The following PRDM2 variants were observed in gnomAD, a reference collection of about 807,000 sequenced individuals.
PRDM2 encodes PR/SET domain 2, also known as PR domain zinc finger protein 2.
Under a neutral mutation model 130.0 loss-of-function variants are expected in PRDM2, and 30 were observed. The observed-to-expected ratio is 0.23, with a 90% confidence interval of 0.17 to 0.31. The LOEUF is 0.31. Ranked by LOEUF, PRDM2 falls within the 10% of genes least tolerant of loss-of-function variation. The pLI is 1.00. For synonymous variants in PRDM2, 871 were observed against 782.4 expected (o/e 1.11, Z -1.89); for missense variants, 2,011 against 2,108.4 (o/e 0.95, Z 0.90).
rs559952401 is a variant in PRDM2 at position 13,810,684 on chromosome 1, C to T, written c.5037-5743C>T. On this transcript the variant is annotated intron_variant, in intron 8 of 9. Transcript: ENST00000311066. ...TAATTTTTTGTATTTTTAGTAGAGA[C>T]GGGGTTTCACTGTGTTAGCAAGGAT... Among the ~76,000 whole-genome samples the T allele has an allele frequency of 5.9e-5, 9 of 151,746 alleles. No homozygotes were observed. The East Asian group carries it at 1.4e-3, about 23-fold the overall frequency.
In PRDM2 at chr1:13,821,441, T is replaced by TTTATTTATTTATTTATTTATTTATTTA. The variant is rs1477837471; in HGVS notation, c.*24-1715_*24-1689dup. On this transcript the variant is annotated intron_variant, in intron 9 of 9. Transcript: ENST00000311066. ...ACCCAATGCAGTGAACATTTATTTA[T>TTTATTTATTTATTTATTTATTTATTTA]TTATTTATTTATTTATTTATTTATT... Among the ~76,000 whole-genome samples the TTTATTTATTTATTTATTTATTTATTTA allele has an allele frequency of 3.6e-5, 5 of 139,570 alleles. No homozygotes were observed. In the East Asian group the frequency reaches 9.9e-4, roughly 28 times the overall value. 91.6% of individuals were successfully genotyped at this position (139,570 alleles called of 152,430 possible).
At chr1:13,787,288 T>C in intron 8 of PRDM2, 1 of 983,680 alleles carries the variant, frequency 1.0e-6, no homozygotes, top group East Asian at 1.1e-4. Context: ...CAGATGTATG[T>C]CTACACGTAA....
chr1:13,733,396 A>G (rs1643169150), intron 4 of PRDM2, among the ~76,000 whole-genome samples: 1 of 152,250 alleles, frequency 6.6e-6, no homozygotes, highest in Non-Finnish European at 1.5e-5. Context: ...ATTCTGGAAG[A>G]CAGCAGGGCA....
chr1:13,780,238 T>G lies in PRDM2; in HGVS notation c.2443T>G (p.Phe815Val), dbSNP rs1273656760. Residue 815 changes from phenylalanine (F) to valine (V), a missense_variant, in exon 8 of 10, where the codon TTT becomes GTT. Coordinates refer to ENST00000311066, the MANE Select transcript of PRDM2 (RefSeq NM_001393986.1). ...TAAAGAGTGGACAGCTAGTTCTGCTTTTAGCAGTGTGTGCAACCAGCAGCC... is the reference window on the plus strand; with the variant it reads ...TAAAGAGTGGACAGCTAGTTCTGCTGTTAGCAGTGTGTGCAACCAGCAGCC... The part of the protein sequence containing the change: ...MSKEWTASSA[F>V]SSVCNQQPLD... 1 of 1,612,772 alleles carries G rather than the reference T, an allele frequency of 6.2e-7. No individual in the cohort carries two copies. Among genetic ancestry groups the G allele is most frequent in the Non-Finnish European group, 8.5e-7 (1 of 1,179,254 alleles).
At chr1:13,811,381 C>T (rs1456098314) in intron 8 of PRDM2, among the ~76,000 whole-genome samples, 1 of 152,140 alleles carries the variant, frequency 6.6e-6, no homozygotes, top group Non-Finnish European at 1.5e-5. Flanking sequence ...TGACACTGTG[C>T]TCGCCCCCTG....
chr1:13,753,049 G>C (rs921838197), intron 6 of PRDM2, among the ~76,000 whole-genome samples: 2 of 152,086 alleles, frequency 1.3e-5, no homozygotes, highest in African/African-American at 2.4e-5. Flanking sequence ...TAATCAATGG[G>C]GATTTATGGA....
chr1:13,792,872 T>C (rs1487600421), intron 8 of PRDM2, among the ~76,000 whole-genome samples: 2 of 152,220 alleles, frequency 1.3e-5, no homozygotes, highest in African/African-American at 4.8e-5. Context: ...TACAGATAGA[T>C]TAACCGAGTC....
rs578132121 is a variant in PRDM2, at chr1:13,823,632, C to T, written c.*497C>T. The T allele has an allele frequency of 6.9e-5, 11 of 160,206 alleles. No homozygotes were observed. In the South Asian group the frequency reaches 1.1e-3, roughly 17 times the overall value. The allele number at this position is 160,206 out of a possible 1,614,324, so 9.9% of individuals were successfully genotyped here. On this transcript the variant is annotated 3_prime_UTR_variant, in exon 10 of 10. Coordinates refer to ENST00000311066, the MANE Select transcript of PRDM2 (RefSeq NM_001393986.1). ...CCCTCTCTCCCCACCTTCCCTCTCC[C>T]GGCAACATCTCTGGGAATCAACAGC...
intron 4 of PRDM2, among the ~76,000 whole-genome samples, chr1:13,735,527 TTTTTC>T (rs903141255): frequency 2.6e-5 from 4 of 152,238 alleles, no homozygotes; most frequent in African/African-American, 4.8e-5. Flanking sequence ...GTAAGCTTTT[TTTTTC>T]TTTTCTTCTT....
rs1644462830 is a variant in PRDM2 at position 13,775,812 on chromosome 1, C to T, written c.623-2606C>T. On this transcript the variant is annotated intron_variant, in intron 7 of 9. Transcript: ENST00000311066. ...TAGCACAGCAGCCAGCATCTCCATT[C>T]TCATTCTGCTCTGCCAGTCTTGCTC... Among the ~76,000 whole-genome samples, 5 of 152,144 alleles carry T rather than the reference C, an allele frequency of 3.3e-5. 1 individual carries two copies. In the South Asian group the frequency reaches 1.0e-3, roughly 31 times the overall value.
Position 13,782,377 on chromosome 1 carries a change from C to G in PRDM2, c.4582C>G (p.Gln1528Glu). ...TGCGGAGATTAAAATGCAAAGCATG[C>G]AGACTCCGTTGGGCAAGACCAGAGC... ...ADAEIKMQSM[Q>E]TPLGKTRARS... The change falls in exon 8 of 10, where the codon CAG becomes GAG. Residue 1528 changes from glutamine to glutamate, a missense_variant. By Grantham distance (29) the Gln-to-Glu change is conservative (BLOSUM62 2). Coordinates refer to ENST00000311066, the MANE Select transcript of PRDM2 (RefSeq NM_001393986.1). 2 of 1,613,962 alleles carry G rather than the reference C, an allele frequency of 1.2e-6. No homozygotes were observed. The highest frequency in any genetic ancestry group is 1.7e-6 in the Non-Finnish European group (2 of 1,180,002).
chr1:13,762,691 G>A (rs1356890841), intron 6 of PRDM2, among the ~76,000 whole-genome samples: 1 of 152,204 alleles, frequency 6.6e-6, no homozygotes, highest in East Asian at 1.9e-4. Flanking sequence ...CAGCACCAAG[G>A]AAGATTGTGT....
intron 2 of PRDM2, among the ~76,000 whole-genome samples, chr1:13,718,763 C>T (rs1325484766): frequency 6.6e-6 from 1 of 152,100 alleles, no homozygotes; most frequent in Non-Finnish European, 1.5e-5. Flanking sequence ...TCTCCATGCT[C>T]CCTTCTCTCC....
intron 1 of PRDM2, among the ~76,000 whole-genome samples, chr1:13,706,709 A>T (rs1007204922): frequency 8.6e-5 from 13 of 151,492 alleles, no homozygotes; most frequent in Non-Finnish European, 1.5e-4. Flanking sequence ...TTTTTTTTTT[A>T]AATCATAAAT....
intron 6 of PRDM2, among the ~76,000 whole-genome samples, chr1:13,762,466 C>A (rs1644122505): frequency 6.6e-6 from 1 of 152,190 alleles, no homozygotes; most frequent in African/African-American, 2.4e-5. Flanking sequence ...ACACAGGAAC[C>A]TGCTGGGAGC....
intron 8 of PRDM2, chr1:13,787,773 A>G: frequency 5.1e-6 from 5 of 982,184 alleles, no homozygotes; most frequent in Non-Finnish European, 6.0e-6. Context: ...TAGTTATTTT[A>G]TTGCTTCTTT....
At position 13,746,981 on chromosome 1, in the gene PRDM2, T is replaced by A. The variant is rs368295527; in HGVS notation, c.385-2380T>A. ...TGGTGTGTTTTTACTTTGTGTGTTTTGCAGCAACAAGAATATCTTAGGACA... is the reference window on the plus strand; with the variant it reads ...TGGTGTGTTTTTACTTTGTGTGTTTAGCAGCAACAAGAATATCTTAGGACA... On this transcript the variant is annotated intron_variant, in intron 5 of 9. Transcript: ENST00000311066. 5.9e-5 allele frequency among the ~76,000 whole-genome samples: 9 copies of A among 152,388 alleles called. 1 individual carries two copies. The highest frequency in any genetic ancestry group is 2.2e-4 in the African/African-American group (9 of 41,598).
rs764476070 is a variant in PRDM2 at position 13,803,883 on chromosome 1, A to G, written c.5037-12544A>G. Reference sequence around the variant, plus strand: ...AGAACCTGGCTTAGAAGCTCCACAAAGCAGGGGCGTGATTGATCTTTTGGG... The same window carrying G: ...AGAACCTGGCTTAGAAGCTCCACAAGGCAGGGGCGTGATTGATCTTTTGGG... On this transcript the variant is annotated intron_variant, in intron 8 of 9. Transcript: ENST00000311066. This position sits in a 1 kb window ranked among gnomAD's most constrained non-coding sequence, Gnocchi z 6.2. Among the ~76,000 whole-genome samples, 1 of 152,186 alleles carries G rather than the reference A, an allele frequency of 6.6e-6. No individual in the cohort carries two copies. The highest frequency in any genetic ancestry group is 1.5e-5 in the Non-Finnish European group (1 of 68,036).
At chr1:13,721,548 A>G (rs1167269074) in intron 2 of PRDM2, among the ~76,000 whole-genome samples, 1 of 152,208 alleles carries the variant, frequency 6.6e-6, no homozygotes, top group Non-Finnish European at 1.5e-5. Context: ...ATGTTGAATG[A>G]ATAGTGGTAG....
Sources: gnomAD v4.1 joint callset for allele counts (sites outside exome capture counted in the v4.1 genomes callset) on GRCh38, gnomAD v4.1.1 for gene constraint, Gnocchi (gnomAD v3.1) non-coding constraint, MANE v1.5 for transcripts, NCBI Gene and HGNC (gene_info 2026-07-23, HGNC 2026-07-21) for gene names.